The following FBXW10 variants were observed in gnomAD, a reference collection of about 807,000 sequenced individuals.
The protein encoded by FBXW10 is F-box/WD repeat-containing protein 10.
A neutral mutation model predicts 113.1 loss-of-function variants in FBXW10; 68 were observed. The observed-to-expected ratio is 0.60, with a 90% CI of 0.49 to 0.74. The LOEUF is 0.74. Among genes scored for constraint, FBXW10 ranks in the 30% least tolerant of loss-of-function variants. FBXW10 has a pLI of 0.00. For missense variants in FBXW10, 753 were observed against 1,284.5 expected, an observed-to-expected ratio of 0.59 and a Z score of 6.32; for synonymous variants, 289 against 481.6, an observed-to-expected ratio of 0.60 and a Z score of 5.24.
chr17:18,745,649 C>T (rs1198156577), intron 1 of FBXW10, among the ~76,000 whole-genome samples: 2 of 152,056 alleles, frequency 1.3e-5, no homozygotes, highest in Admixed American at 1.3e-4. Context: ...CTCCTGACCT[C>T]GTGATCCGCC....
rs199572430 is a variant in FBXW10 at position 18,758,367 on chromosome 17, G to A, written c.1295G>A (p.Arg432Gln). Residue 432 changes from arginine (R) to glutamine (Q), a missense_variant, in exon 7 of 14, where the codon CGA (arginine) becomes CAA (glutamine). By Grantham distance (43) the Arg-to-Gln change is conservative (BLOSUM62 1). Transcript: ENST00000395665. ...GATCTGATAGCTGTGTCATCTAATC[G>A]AAAGATCCATCTTCTGGACATCATA... is the stretch of plus-strand genomic sequence containing the variant. ...GGDLIAVSSN[R>Q]KIHLLDIIQV... 9.2e-4 allele frequency: 1,473 copies of A among 1,606,734 alleles called. 7 individuals carry two copies. The Middle Eastern group carries it at 0.012, about 13-fold the overall frequency.
intron 11 of FBXW10, among the ~76,000 whole-genome samples, chr17:18,771,209 C>T (rs928996004): frequency 6.6e-5 from 10 of 152,162 alleles, no homozygotes; most frequent in African/African-American, 2.4e-4. Context: ...AAAGGGATTT[C>T]TTATTGGAAT....
At chr17:18,752,015 T>A (rs909829739) in intron 5 of FBXW10, among the ~76,000 whole-genome samples, 13 of 146,358 alleles carry the variant, frequency 8.9e-5, no homozygotes, top group African/African-American at 2.8e-4. Flanking sequence ...TTAAAGTCTA[T>A]TTAATTGGCC....
intron 13 of FBXW10, among the ~76,000 whole-genome samples, chr17:18,776,183 G>A (rs1567626734): frequency 6.6e-6 from 1 of 152,050 alleles, no homozygotes; most frequent in Admixed American, 6.6e-5. Context: ...TAGCTGGGCA[G>A]GGTGGCATGT....
chr17:18,768,934 A>ATTTTTTTTTTTTT (rs59007149), intron 10 of FBXW10, among the ~76,000 whole-genome samples: 1 of 114,392 alleles, frequency 8.7e-6, no homozygotes, highest in Non-Finnish European at 1.7e-5. Flanking sequence ...GAAGTTATTG[A>ATTTTTTTTTTTTT]TTTTTTTTTT....
At chr17:18,755,412 G>C (rs372375978) in intron 5 of FBXW10, among the ~76,000 whole-genome samples, 1 of 151,974 alleles carries the variant, frequency 6.6e-6, no homozygotes, top group Non-Finnish European at 1.5e-5. Flanking sequence ...AAAATTAGCT[G>C]GGCATGGTGG....
intron 8 of FBXW10, 66 bp downstream of exon 8, chr17:18,764,929 T>C: frequency 6.2e-7 from 1 of 1,613,264 alleles, no homozygotes; most frequent in Non-Finnish European, 8.5e-7. Flanking sequence ...CAAAATGCTT[T>C]GTTTTGCTCA....
chr17:18,769,004 T>G (rs1176508426), intron 10 of FBXW10, among the ~76,000 whole-genome samples: 1 of 148,950 alleles, frequency 6.7e-6, no homozygotes, highest in African/African-American at 2.5e-5. Context: ...GGCGCAATCT[T>G]GGCTCACTGC....
intron 8 of FBXW10, among the ~76,000 whole-genome samples, chr17:18,765,583 T>G (rs2035480030): frequency 6.6e-6 from 1 of 152,246 alleles, no homozygotes; most frequent in African/African-American, 2.4e-5. Flanking sequence ...CGGCTGTTAG[T>G]GCCATGCAAG....
chr17:18,744,675 G>A lies in FBXW10; in HGVS notation c.431G>A (p.Cys144Tyr), dbSNP rs1355714552. The part of the protein sequence containing the change: ...ANYTLLLLQM[C>Y]NPKLLLTAAN... The stretch of plus-strand genomic sequence containing the variant: ...TATACTCTCTTACTGCTGCAGATGT[G>A]CAACCCCAAATTACTGCTCACTGCT... Residue 144 changes from cysteine to tyrosine, a missense_variant, in exon 1 of 14, where the codon TGC becomes TAC. Cys to Tyr is a radical substitution (Grantham distance 194). Transcript: ENST00000395665. The A allele has an allele frequency of 8.1e-6, 13 of 1,613,930 alleles. No individual in the cohort carries two copies. Among genetic ancestry groups the A allele is most frequent in the Non-Finnish European group, 1.1e-5 (13 of 1,179,854 alleles).
intron 7 of FBXW10, among the ~76,000 whole-genome samples, chr17:18,763,704 T>C (rs1444067751): frequency 6.6e-6 from 1 of 152,202 alleles, no homozygotes; most frequent in Non-Finnish European, 1.5e-5. Flanking sequence ...AGATAATTCA[T>C]CTTTGCTCCC....
chr17:18,748,307 C>T (rs891906580), intron 2 of FBXW10, among the ~76,000 whole-genome samples: 1 of 150,560 alleles, frequency 6.6e-6, no homozygotes, highest in Non-Finnish European at 1.5e-5. Flanking sequence ...GTAGTCCCAG[C>T]TACTGAGGCA....
chr17:18,763,392 G>A (rs2035425178), intron 7 of FBXW10, among the ~76,000 whole-genome samples: 1 of 151,974 alleles, frequency 6.6e-6, no homozygotes, highest in African/African-American at 2.4e-5. Context: ...TCCTGACCTC[G>A]TGATCTGCTT....
chr17:18,765,571 G>A (rs1224436235), intron 8 of FBXW10, among the ~76,000 whole-genome samples: 1 of 152,186 alleles, frequency 6.6e-6, no homozygotes, highest in Non-Finnish European at 1.5e-5. Flanking sequence ...TTGAGTCATC[G>A]CCGGCTGTTA....
In FBXW10 at chr17:18,749,915, C is replaced by G. The variant is rs1314189294; in HGVS notation, c.864C>G (p.Tyr288Ter). 6.2e-7 allele frequency: 1 copy of G among 1,613,738 alleles called. No homozygotes were observed. The highest frequency in any genetic ancestry group is 8.5e-7 in the Non-Finnish European group (1 of 1,179,936). The change falls in exon 3 of 14, where the codon TAC becomes TAG. Residue 288 changes from tyrosine (Y) to a stop codon, truncating the protein, a stop_gained. Transcript: ENST00000395665. LOFTEE classifies it high-confidence loss of function. ...IRYLPIHLSKYILRMLDRHTL... is the reference protein window; with the variant it reads ...IRYLPIHLSK Reference sequence around the variant, plus strand: ...ACCTGCCCATCCACCTCTCCAAGTACATTCTAAGTATGCTGGGGTGTATGA... The same window carrying G: ...ACCTGCCCATCCACCTCTCCAAGTAGATTCTAAGTATGCTGGGGTGTATGA...
At chr17:18,775,023 A>G in intron 12 of FBXW10, 113 bp from the exon 13 acceptor site, 1 of 674,994 alleles carries the variant, frequency 1.5e-6, no homozygotes, top group South Asian at 1.9e-5. Context: ...CAAGATAGTG[A>G]TATTTTGTAT....
chr17:18,774,033 C>T (rs1474724922), intron 12 of FBXW10, among the ~76,000 whole-genome samples: 1 of 152,182 alleles, frequency 6.6e-6, no homozygotes, highest in Non-Finnish European at 1.5e-5. Context: ...ATTGATTACA[C>T]TCTAATGGTT....
intron 2 of FBXW10, among the ~76,000 whole-genome samples, chr17:18,748,408 C>CAAAAAAAAAAA (rs57336039): frequency 3.9e-5 from 2 of 51,428 alleles, no homozygotes; most frequent in African/African-American, 6.4e-5. Context: ...GAGACTGTCT[C>CAAAAAAAAAAA]AAAAAAAAAA....
chr17:18,767,165 C>G (rs2035513468), intron 9 of FBXW10, among the ~76,000 whole-genome samples: 1 of 152,002 alleles, frequency 6.6e-6, no homozygotes, highest in Non-Finnish European at 1.5e-5. Context: ...GTACCTTTTT[C>G]TCCTCCAGAG....
Sources: gnomAD v4.1 joint callset for allele counts (sites outside exome capture counted in the v4.1 genomes callset) on GRCh38, gnomAD v4.1.1 for gene constraint, MANE v1.5 for transcripts, NCBI Gene and HGNC (gene_info 2026-07-23, HGNC 2026-07-21) for gene names.